The following GDPD1 variants were observed in gnomAD, a reference collection of about 807,000 sequenced individuals.
The protein encoded by GDPD1 is lysophospholipase D GDPD1.
A neutral mutation model predicts 45.1 loss-of-function variants in GDPD1; 28 were observed. The observed-to-expected ratio is 0.62, with a 90% confidence interval of 0.46 to 0.85. The LOEUF (loss-of-function observed/expected upper bound fraction) is 0.85. GDPD1 is among the 40% of genes least tolerant of loss of function. GDPD1 has a pLI of 0.00. For missense variants in GDPD1, 256 were observed against 364.8 expected (o/e 0.70, Z 2.43); for synonymous variants, 139 against 131.4 (o/e 1.06, Z -0.40).
intron 7 of GDPD1, among the ~76,000 whole-genome samples, chr17:59,270,438 A>G (rs1720776595): frequency 6.6e-6 from 1 of 151,870 alleles, no homozygotes; most frequent in African/African-American, 2.4e-5. Context: ...AACTCAGGTG[A>G]TGCACCAGCC....
intron 1 of GDPD1, among the ~76,000 whole-genome samples, chr17:59,229,581 C>A (rs748558104): frequency 6.6e-6 from 1 of 150,880 alleles, no homozygotes; most frequent in African/African-American, 2.4e-5. Context: ...AGGTGGGTCT[C>A]GAACTCCTGG....
In GDPD1 at chr17:59,274,843, AT is replaced by A. The variant is rs781384753; in HGVS notation, c.*1086del. ...CTGGAATACAATCAATTAGTAAAAG[AT>A]TTTTTTTTTTTTTTTGACATGTAGT... is the stretch of plus-strand genomic sequence containing the variant. On this transcript the variant is annotated 3_prime_UTR_variant, in exon 10 of 10. Coordinates refer to ENST00000284116, the MANE Select transcript of GDPD1 (RefSeq NM_182569.4). Among the ~76,000 whole-genome samples the A allele has an allele frequency of 4.2e-3, 582 of 137,168 alleles. 1 individual carries two copies. The highest frequency in any genetic ancestry group is 4.9e-3 in the African/African-American group (180 of 36,692). 90.0% of individuals were successfully genotyped at this position (137,168 alleles called of 152,430 possible).
chr17:59,222,639 C>G (rs1021599198), intron 1 of GDPD1, among the ~76,000 whole-genome samples: 1 of 151,058 alleles, frequency 6.6e-6, no homozygotes, highest in African/African-American at 2.4e-5. Context: ...CTCAGCCTCC[C>G]GAGTAGCTGG....
At chr17:59,225,140 G>A (rs1348646349) in intron 1 of GDPD1, among the ~76,000 whole-genome samples, 1 of 136,610 alleles carries the variant, frequency 7.3e-6, no homozygotes, top group Non-Finnish European at 1.5e-5. Flanking sequence ...TGCCCAGGCT[G>A]GAGTCCAGTG....
At chr17:59,232,255 A>C (rs1173675724) in intron 1 of GDPD1, among the ~76,000 whole-genome samples, 1 of 152,172 alleles carries the variant, frequency 6.6e-6, no homozygotes, top group Non-Finnish European at 1.5e-5. Context: ...GTTCGAGATC[A>C]GCATGGCCAA....
At chr17:59,223,064 G>A (rs189610285) in intron 1 of GDPD1, among the ~76,000 whole-genome samples, 3 of 152,242 alleles carry the variant, frequency 2.0e-5, no homozygotes, top group East Asian at 1.9e-4. Flanking sequence ...CTCCATAGGC[G>A]TTAAAGACTG....
In GDPD1 at chr17:59,274,536, A is replaced by ATTGGCAATAGTCTTCAC. The variant is rs2047467250; in HGVS notation, c.*764_*765insTGGCAATAGTCTTCACT. The ATTGGCAATAGTCTTCAC allele has an allele frequency of 7.3e-6, 1 of 136,834 alleles. No homozygotes were observed. Among genetic ancestry groups the ATTGGCAATAGTCTTCAC allele is most frequent in the Admixed American group, 7.6e-5 (1 of 13,120 alleles). 8.5% of individuals were successfully genotyped at this position (136,834 alleles called of 1,614,324 possible). ...TCAAAAAAAAAAAAAAAAAAAAAAA[A>ATTGGCAATAGTCTTCAC]TGGGAGGCCGAGGCGGGCGGATCAC... On this transcript the variant is annotated 3_prime_UTR_variant, in exon 10 of 10. Transcript: ENST00000284116.
Position 59,256,780 on chromosome 17 carries a change from T to C in GDPD1, c.368-342T>C, listed in dbSNP as rs564259752. On this transcript the variant is annotated intron_variant, in intron 4 of 9. Transcript: ENST00000284116. ...CCCTATTATTTCTTACAATTGATTG[T>C]GAATCTGTAGTTATCTCAAAATAAA... Among the ~76,000 whole-genome samples, 25 of 152,274 alleles carry C rather than the reference T, an allele frequency of 1.6e-4. No individual in the cohort carries two copies. In the South Asian group the frequency reaches 4.3e-3, roughly 26 times the overall value.
chr17:59,234,974 C>CT lies in GDPD1; in HGVS notation c.185+453dup, dbSNP rs35615525. On this transcript the variant is annotated intron_variant, in intron 2 of 9. Transcript: ENST00000284116. ...TCTTGGAAGCCTCAGGAGTGTTGAT[C>CT]TTTTTTTTTTTTTCAAATAAAATAC... Among the ~76,000 whole-genome samples the CT allele has an allele frequency of 3.2e-3, 455 of 141,376 alleles. 3 individuals carry two copies. Among genetic ancestry groups the CT allele is most frequent in the African/African-American group, 7.6e-3 (294 of 38,502 alleles). The allele number at this position is 141,376 out of a possible 152,430, so 92.7% of individuals were successfully genotyped here.
chr17:59,269,475 A>T (rs867014045), intron 7 of GDPD1, among the ~76,000 whole-genome samples: 1 of 120,026 alleles, frequency 8.3e-6, no homozygotes, highest in East Asian at 2.7e-4. Context: ...CTTCTTGTCT[A>T]CCCCCCCCCC....
At chr17:59,270,149 C>T (rs1215601650) in intron 7 of GDPD1, among the ~76,000 whole-genome samples, 1 of 151,730 alleles carries the variant, frequency 6.6e-6, no homozygotes, top group Non-Finnish European at 1.5e-5. Context: ...CCAGGACTTT[C>T]CACTGGGGCC....
At chr17:59,263,224 GTC>G (rs915512541) in intron 6 of GDPD1, among the ~76,000 whole-genome samples, 2 of 151,982 alleles carry the variant, frequency 1.3e-5, no homozygotes, top group African/African-American at 2.4e-5. Context: ...TAGAGATGGA[GTC>G]TCTCTGTATT....
Position 59,272,896 on chromosome 17 carries a change from T to A in GDPD1, c.822+60T>A, listed in dbSNP as rs74472114. 3.5e-4 allele frequency: 561 copies of A among 1,612,968 alleles called. 2 individuals carry two copies. Among genetic ancestry groups the A allele is most frequent in the Middle Eastern group, 1.8e-3 (11 of 6,060 alleles). On this transcript the variant is annotated intron_variant, in intron 9 of 9. Coordinates refer to ENST00000284116, the MANE Select transcript of GDPD1 (RefSeq NM_182569.4). ...ATAGCTCACCAGTTTAACACAAATA[T>A]AAAGGGCAAGAACTTTTAACTGACT...
At chr17:59,271,041 A>G in intron 8 of GDPD1, 46 bp downstream of exon 8, 1 of 1,138,024 alleles carries the variant, frequency 8.8e-7, no homozygotes, top group Non-Finnish European at 1.3e-6. Context: ...CTTCAGCTAT[A>G]TTTATTAAAT....
chr17:59,248,392 A>T (rs182868373), intron 3 of GDPD1, among the ~76,000 whole-genome samples: 2 of 152,164 alleles, frequency 1.3e-5, no homozygotes, highest in East Asian at 3.9e-4. Context: ...TTTAATTAAC[A>T]TTTCATTAAT....
chr17:59,255,762 A>AAAAAAAT (rs1281572220), intron 4 of GDPD1, among the ~76,000 whole-genome samples: 1 of 44,356 alleles, frequency 2.3e-5, no homozygotes, highest in Non-Finnish European at 3.5e-5. Context: ...AAAAAAAAAA[A>AAAAAAAT]ATATATATAT....
intron 5 of GDPD1, 56 bp from the exon 6 acceptor site, chr17:59,257,692 ATGT>A (rs2047319829): frequency 1.0e-6 from 1 of 1,003,470 alleles, no homozygotes; most frequent in Non-Finnish European, 1.6e-6. Context: ...TTTAAGTGAA[ATGT>A]TGTTAGTGGA....
rs1193984438 is a variant in GDPD1 at position 59,267,084 on chromosome 17, T to C, written c.620T>C (p.Leu207Pro). 1.2e-6 allele frequency: 2 copies of C among 1,613,392 alleles called. No homozygotes were observed. Among genetic ancestry groups the C allele is most frequent in the Non-Finnish European group, 1.7e-6 (2 of 1,179,308 alleles). The change falls in exon 7 of 10, where the codon CTC becomes CCC. Residue 207 changes from leucine to proline, a missense_variant. Leu to Pro is a moderately conservative substitution (Grantham distance 98). Coordinates refer to ENST00000284116, the MANE Select transcript of GDPD1 (RefSeq NM_182569.4). The stretch of plus-strand genomic sequence containing the variant: ...CTCTTCAGTCTACAACGTGTCCTGC[T>C]CATTCTTGGCCTTTTCTTCACTGGC... The part of the protein sequence containing the change: ...PILFSLQRVL[L>P]ILGLFFTGLL...
chr17:59,257,851 A>G lies in GDPD1; in HGVS notation c.576+11A>G. 1 of 1,466,192 alleles carries G rather than the reference A, an allele frequency of 6.8e-7. No individual in the cohort carries two copies. The highest frequency in any genetic ancestry group is 9.5e-7 in the Non-Finnish European group (1 of 1,053,218). The allele number at this position is 1,466,192 out of a possible 1,614,324, so 90.8% of individuals were successfully genotyped here. On this transcript the variant is annotated intron_variant, in intron 6 of 9. Transcript: ENST00000284116. ...AAGTGCTACAAAGAGGTAAGCTTCA[A>G]AAATGATACAGAATTATCTATCTTT...
Sources: gnomAD v4.1 joint callset for allele counts (sites outside exome capture counted in the v4.1 genomes callset) on GRCh38, gnomAD v4.1.1 for gene constraint, MANE v1.5 for transcripts, NCBI Gene and HGNC (gene_info 2026-07-23, HGNC 2026-07-21) for gene names.